MARK3: variants seen among roughly 807,000 people sequenced by gnomAD.
MARK3 encodes MAP/microtubule affinity-regulating kinase 3.
MARK3 carries 46 observed loss-of-function variants against 90.1 expected under a neutral mutation model. The observed-to-expected ratio is 0.51, with a 90% CI of 0.40 to 0.65. MARK3 has a LOEUF of 0.65. Ranked by LOEUF, MARK3 falls within the 30% of genes least tolerant of loss-of-function variation. The pLI is 0.00. For missense variants in MARK3, 818 were observed against 947.2 expected, an observed-to-expected ratio of 0.86 and a Z score of 1.79; for synonymous variants, 321 against 332.6, an observed-to-expected ratio of 0.97 and a Z score of 0.38.
At chr14:103,414,159 G>C (rs1053534347) in intron 2 of MARK3, among the ~76,000 whole-genome samples, 1 of 151,602 alleles carries the variant, frequency 6.6e-6, no homozygotes, top group Non-Finnish European at 1.5e-5. Flanking sequence ...CTCTGGTCTG[G>C]TCTGTGAATT....
intron 14 of MARK3, among the ~76,000 whole-genome samples, chr14:103,481,811 G>C (rs1289171501): frequency 9.1e-6 from 1 of 110,142 alleles, no homozygotes; most frequent in Non-Finnish European, 1.7e-5. Flanking sequence ...CTGTCACCCA[G>C]GCTGGAGTGC....
intron 3 of MARK3, chr14:103,429,364 T>C (rs1346195466): frequency 1.3e-5 from 2 of 152,266 alleles, no homozygotes; most frequent in Non-Finnish European, 2.9e-5. Flanking sequence ...TTCATCTTCT[T>C]ATGATGGATG....
chr14:103,502,020 CT>C (rs2075695066), intron 17 of MARK3, among the ~76,000 whole-genome samples: 1 of 152,214 alleles, frequency 6.6e-6, no homozygotes, highest in Non-Finnish European at 1.5e-5. Context: ...CACTCACTGT[CT>C]TAATTGAGGC....
At chr14:103,421,061 A>G (rs1047277279) in intron 2 of MARK3, among the ~76,000 whole-genome samples, 1 of 152,198 alleles carries the variant, frequency 6.6e-6, no homozygotes, top group African/African-American at 2.4e-5. Flanking sequence ...CTTGCCATGG[A>G]TAAAACTCTG....
intron 14 of MARK3, among the ~76,000 whole-genome samples, chr14:103,488,951 A>G (rs2093975616): frequency 6.6e-6 from 1 of 152,216 alleles, no homozygotes; most frequent in Non-Finnish European, 1.5e-5. Flanking sequence ...TAATTGATTA[A>G]TCTGCTCTGT....
chr14:103,491,236 G>A (rs1333247920), intron 14 of MARK3: 1 of 580,866 alleles, frequency 1.7e-6, no homozygotes, highest in Non-Finnish European at 2.5e-6. Flanking sequence ...TGTGATTTTA[G>A]TTAAGCACAT....
At chr14:103,397,615 G>A (rs1035432194) in intron 1 of MARK3, among the ~76,000 whole-genome samples, 3 of 152,056 alleles carry the variant, frequency 2.0e-5, no homozygotes, top group Non-Finnish European at 2.9e-5. Context: ...GTGAGCTACC[G>A]CACCTGGCCT....
At chr14:103,488,051 A>T (rs1252023403) in intron 14 of MARK3, among the ~76,000 whole-genome samples, 1 of 152,144 alleles carries the variant, frequency 6.6e-6, no homozygotes, top group Admixed American at 6.5e-5. Context: ...TCTCAAAAAA[A>T]AAAAAATAAA....
intron 1 of MARK3, among the ~76,000 whole-genome samples, chr14:103,397,307 C>T (rs1019258351): frequency 8.6e-5 from 13 of 150,964 alleles, no homozygotes; most frequent in African/African-American, 3.2e-4. Flanking sequence ...GTTGACTAGC[C>T]GAAAGTTACT....
rs2093066460 is a variant in MARK3, at chr14:103,449,060, C to T, written c.346+93C>T. 3.1e-6 allele frequency: 4 copies of T among 1,294,300 alleles called. No individual in the cohort carries two copies. In the South Asian group the frequency reaches 4.0e-5, roughly 13 times the overall value. 80.2% of individuals were successfully genotyped at this position (1,294,300 alleles called of 1,614,324 possible). A position where few individuals can be genotyped will look rare whatever the true frequency, so the allele number is the denominator to read the frequency against. On this transcript the variant is annotated intron_variant, in intron 4 of 17. Coordinates refer to ENST00000429436, the MANE Select transcript of MARK3 (RefSeq NM_001128918.3). ...CACGTATTCTAGAAATGGTAGAGTACACTTCTAGTAAAATATATATACAAG... is the reference window on the plus strand; with the variant it reads ...CACGTATTCTAGAAATGGTAGAGTATACTTCTAGTAAAATATATATACAAG...
intron 2 of MARK3, among the ~76,000 whole-genome samples, chr14:103,409,234 T>TA (rs1555373954): frequency 6.6e-6 from 1 of 151,454 alleles, no homozygotes; most frequent in Admixed American, 6.6e-5. Context: ...CACTCGTAAG[T>TA]GGAGTTGAAC....
At position 103,502,981 on chromosome 14, in the gene MARK3, C is replaced by G; in HGVS notation, c.2016C>G (p.Pro672=). 1 of 1,614,210 alleles carries G rather than the reference C, an allele frequency of 6.2e-7. No individual in the cohort carries two copies. The highest frequency in any genetic ancestry group is 8.5e-7 in the Non-Finnish European group (1 of 1,180,048). ...WSMKTTSSMD[P]GDMMREIRKV... is the part of the protein sequence containing the mutation. ...TGAAAACCACTAGTTCAATGGATCC[C>G]GGGGACATGATGCGGGAAATCCGCA... is the stretch of plus-strand genomic sequence containing the variant. The change falls in exon 18 of 18, where the codon CCC becomes CCG. Residue 672 remains proline, a synonymous_variant. Transcript: ENST00000429436.
At chr14:103,452,341 A>G (rs928282700) in intron 5 of MARK3, among the ~76,000 whole-genome samples, 1 of 151,850 alleles carries the variant, frequency 6.6e-6, no homozygotes, top group African/African-American at 2.4e-5. Context: ...TCTAACACGA[A>G]ACTCTATACC....
intron 13 of MARK3, 31 bp downstream of exon 13, chr14:103,475,241 A>T: frequency 1.3e-6 from 2 of 1,594,796 alleles, no homozygotes; most frequent in Non-Finnish European, 1.7e-6. Flanking sequence ...GAGTGGTCTT[A>T]GGGTGGTAGG....
intron 3 of MARK3, among the ~76,000 whole-genome samples, chr14:103,440,488 T>A (rs1479463450): frequency 2.6e-5 from 4 of 152,214 alleles, no homozygotes; most frequent in Admixed American, 1.3e-4. Context: ...TCTGATTTTT[T>A]AAAATTTGTG....
chr14:103,501,350 G>A (rs948851536), intron 17 of MARK3, among the ~76,000 whole-genome samples: 2 of 152,184 alleles, frequency 1.3e-5, no homozygotes, highest in Admixed American at 6.5e-5. Flanking sequence ...ATAGGAAGGT[G>A]ACATAATAGG....
chr14:103,427,306 C>T (rs1379101588), intron 2 of MARK3, among the ~76,000 whole-genome samples: 2 of 151,538 alleles, frequency 1.3e-5, no homozygotes, highest in Non-Finnish European at 2.9e-5. Context: ...TCGAGACCAG[C>T]CTGGCCAACA....
Position 103,462,472 on chromosome 14 carries a change from G to C in MARK3, c.540+11G>C. 6.3e-7 allele frequency: 1 copy of C among 1,594,878 alleles called. No homozygotes were observed. The highest frequency in any genetic ancestry group is 8.6e-7 in the Non-Finnish European group (1 of 1,164,390). ...CATCGAGACCTCAAGGTGAGTAGAA[G>C]TGCCTCACTCAGTGTATGCTCTGTC... On this transcript the variant is annotated intron_variant, in intron 7 of 17. Coordinates refer to ENST00000429436, the MANE Select transcript of MARK3 (RefSeq NM_001128918.3).
At chr14:103,394,502 T>G (rs1324316070) in intron 1 of MARK3, among the ~76,000 whole-genome samples, 1 of 152,204 alleles carries the variant, frequency 6.6e-6, no homozygotes, top group African/African-American at 2.4e-5. Flanking sequence ...CTCTAGCCAC[T>G]CAAGCTGCTC....
Sources: gnomAD v4.1 joint callset for allele counts (sites outside exome capture counted in the v4.1 genomes callset) on GRCh38, gnomAD v4.1.1 for gene constraint, MANE v1.5 for transcripts, NCBI Gene and HGNC (gene_info 2026-07-23, HGNC 2026-07-21) for gene names.